Variants in PRIM2 observed in about 807,000 individuals in gnomAD.
The protein encoded by PRIM2 is DNA primase large subunit.
Under a neutral mutation model 67.3 loss-of-function variants are expected in PRIM2, and 39 were observed. That is an observed-to-expected ratio of 0.58 (90% CI 0.45 to 0.76). The LOEUF (loss-of-function observed/expected upper bound fraction) is 0.76, where lower values mean the gene tolerates loss of function less well. PRIM2 is among the 30% of genes least tolerant of loss of function. The pLI, the probability that PRIM2 is intolerant of heterozygous loss-of-function variation, is 0.00. For missense variants in PRIM2, 398 were observed against 598.7 expected (o/e 0.66, Z 3.50); for synonymous variants, 143 against 198.7 (o/e 0.72, Z 2.36).
At position 57,606,728 on chromosome 6, in the gene PRIM2, A is replaced by G. The variant is rs1179023709; in HGVS notation, c.1230+271A>G. 2.0e-4 allele frequency among the ~76,000 whole-genome samples: 31 copies of G among 152,360 alleles called. 1 individual carries two copies. The highest frequency in any genetic ancestry group is 5.9e-4 in the Admixed American group (9 of 15,304). On this transcript the variant is annotated intron_variant, in intron 12 of 13. Coordinates refer to ENST00000615550, the MANE Select transcript of PRIM2 (RefSeq NM_000947.5). ...CCCCCACACCTCAGTTTGTTTTACT[A>G]TCTCAATTGAGGACTACATCTTTAA...
the PRIM2 span, among the ~76,000 whole-genome samples, chr6:57,278,156 GTC>G: frequency 0.025 from 3,718 of 151,668 alleles, 135 homozygotes; most frequent in African/African-American, 0.085. Flanking sequence ...GTGAAACCCT[GTC>G]TCTACCAAAA....
At chr6:57,300,714 G>A in the PRIM2 span, among the ~76,000 whole-genome samples, 1 of 152,076 alleles carries the variant, frequency 6.6e-6, no homozygotes, top group South Asian at 2.1e-4. Context: ...CGTAGTTCTG[G>A]TTTGGCCTTT....
intron 5 of PRIM2, among the ~76,000 whole-genome samples, chr6:57,370,609 C>T (rs374581470): frequency 0.034 from 5,127 of 151,162 alleles, 290 homozygotes; most frequent in African/African-American, 0.12. Context: ...AAATTTAGAT[C>T]GAAGTGCATG....
Position 57,452,928 on chromosome 6 carries a change from T to G in PRIM2, c.694-54459T>G, listed in dbSNP as rs1211574323. Among the ~76,000 whole-genome samples, 4 of 152,308 alleles carry G rather than the reference T, an allele frequency of 2.6e-5. No individual in the cohort carries two copies. The Middle Eastern group carries it at 0.01, about 389-fold the overall frequency. Reference sequence around the variant, plus strand: ...GTTTTTATGGTTTTAGGTCTAACATTTAAGTCTTTAATCCATCTTGAATTA... The same window carrying G: ...GTTTTTATGGTTTTAGGTCTAACATGTAAGTCTTTAATCCATCTTGAATTA... On this transcript the variant is annotated intron_variant, in intron 7 of 13. Transcript: ENST00000615550.
At chr6:57,458,087 T>C (rs1181121263) in intron 7 of PRIM2, among the ~76,000 whole-genome samples, 3 of 152,218 alleles carry the variant, frequency 2.0e-5, no homozygotes, top group Admixed American at 2.0e-4. Flanking sequence ...GACTTGTGTA[T>C]CGGTCAAAAT....
At chr6:57,629,032 T>C (rs1283142300) in intron 12 of PRIM2, among the ~76,000 whole-genome samples, 1 of 152,218 alleles carries the variant, frequency 6.6e-6, no homozygotes, top group Non-Finnish European at 1.5e-5. Context: ...TTTTAGTTTG[T>C]ATTTCCTGCC....
At chr6:57,228,968 C>T in the PRIM2 span, among the ~76,000 whole-genome samples, 2 of 152,204 alleles carry the variant, frequency 1.3e-5, no homozygotes, top group African/African-American at 2.4e-5. Context: ...TGTCTCCAAA[C>T]GGACTCATCT....
intron 5 of PRIM2, among the ~76,000 whole-genome samples, chr6:57,370,209 ATCTTGTCTTGCTCT>A (rs1325601792): frequency 1.3e-5 from 2 of 152,140 alleles, no homozygotes; most frequent in Non-Finnish European, 2.9e-5. Context: ...AAGCCATTTA[ATCTTGTCTTGCTCT>A]TTCAGAGAAT....
At chr6:57,355,735 C>T (rs562937564) in intron 5 of PRIM2, among the ~76,000 whole-genome samples, 71 of 152,252 alleles carry the variant, frequency 4.7e-4, no homozygotes, top group African/African-American at 1.7e-3. Context: ...TCCCCAGGCT[C>T]AGGTGATCCT....
chr6:57,453,763 T>C (rs1307796215), intron 7 of PRIM2, among the ~76,000 whole-genome samples: 1 of 152,204 alleles, frequency 6.6e-6, no homozygotes, highest in Non-Finnish European at 1.5e-5. Context: ...CTTTTCCTAA[T>C]TGAATACCCT....
chr6:57,644,034 A>G (rs1188998006), intron 13 of PRIM2, among the ~76,000 whole-genome samples: 1 of 152,116 alleles, frequency 6.6e-6, no homozygotes, highest in Non-Finnish European at 1.5e-5. Context: ...ATTTTAATCT[A>G]CTAAAAGATT....
chr6:57,351,545 C>T (rs1768856567), intron 5 of PRIM2, among the ~76,000 whole-genome samples: 1 of 152,032 alleles, frequency 6.6e-6, no homozygotes, highest in Non-Finnish European at 1.5e-5. Context: ...TGGAAATAGC[C>T]TAAAGACTTG....
intron 7 of PRIM2, among the ~76,000 whole-genome samples, chr6:57,463,037 GT>G (rs1230682658): frequency 6.6e-6 from 1 of 152,182 alleles, no homozygotes; most frequent in Non-Finnish European, 1.5e-5. Flanking sequence ...TGAGCTAGCT[GT>G]TTCAGGGTGT....
chr6:57,298,028 T>A, the PRIM2 span, among the ~76,000 whole-genome samples: 1 of 152,208 alleles, frequency 6.6e-6, no homozygotes, highest in African/African-American at 2.4e-5. Flanking sequence ...TCTCACTTTT[T>A]ATACACCTGA....
rs1776195084 is a variant in PRIM2, at chr6:57,586,745, C to T, written c.1021-14348C>T. Reference sequence around the variant, plus strand: ...GGCGTTATGGGAAGTGGTGACTAGTCCAGCCCAGGCTTGCCAAAGGCTCTG... The same window carrying T: ...GGCGTTATGGGAAGTGGTGACTAGTTCAGCCCAGGCTTGCCAAAGGCTCTG... On this transcript the variant is annotated intron_variant, in intron 10 of 13. Coordinates refer to ENST00000615550, the MANE Select transcript of PRIM2 (RefSeq NM_000947.5). Among the ~76,000 whole-genome samples the T allele has an allele frequency of 2.6e-5, 4 of 152,258 alleles. No homozygotes were observed. In the South Asian group the frequency reaches 8.3e-4, roughly 32 times the overall value.
At chr6:57,261,852 C>T in the PRIM2 span, among the ~76,000 whole-genome samples, 2 of 152,362 alleles carry the variant, frequency 1.3e-5, no homozygotes, top group African/African-American at 4.8e-5. Flanking sequence ...GTCTCACCAG[C>T]TCTCACCAGG....
the PRIM2 span, among the ~76,000 whole-genome samples, chr6:57,242,157 A>G: frequency 6.6e-6 from 1 of 152,200 alleles, no homozygotes; most frequent in Admixed American, 6.5e-5. Context: ...TCACACATCA[A>G]TATCTGGAAC....
At chr6:57,397,101 C>T (rs1770541394) in intron 7 of PRIM2, among the ~76,000 whole-genome samples, 1 of 152,112 alleles carries the variant, frequency 6.6e-6, no homozygotes, top group African/African-American at 2.4e-5. Flanking sequence ...TCTTAGGATT[C>T]TTTCCTTCAT....
chr6:57,557,944 T>G (rs1355597349), intron 10 of PRIM2, among the ~76,000 whole-genome samples: 143 of 152,252 alleles, frequency 9.4e-4, no homozygotes, highest in Non-Finnish European at 1.8e-3. Flanking sequence ...TATTGGATAT[T>G]TAGAAATATT....
Sources: gnomAD v4.1 joint callset for allele counts (sites outside exome capture counted in the v4.1 genomes callset) on GRCh38, gnomAD v4.1.1 for gene constraint, MANE v1.5 for transcripts, NCBI Gene and HGNC (gene_info 2026-07-23, HGNC 2026-07-21) for gene names.